Variants in IL1RAPL1 observed in about 807,000 individuals in gnomAD.
IL1RAPL1 encodes the protein interleukin-1 receptor accessory protein-like 1.
Under a neutral mutation model 48.4 loss-of-function variants are expected in IL1RAPL1, and 3 were observed. That is an observed-to-expected ratio of 0.06 (90% CI 0.03 to 0.16). The LOEUF is 0.16. Among genes scored for constraint, IL1RAPL1 ranks in the 10% least tolerant of loss-of-function variants. IL1RAPL1 has a pLI of 1.00. For synonymous variants in IL1RAPL1, 185 were observed against 187.7 expected (o/e 0.99, Z 0.12); for missense variants, 349 against 530.6 (o/e 0.66, Z 3.36).
At chrX:28,699,860 A>G (rs1158834921) in intron 1 of IL1RAPL1, among the ~76,000 whole-genome samples, 1 of 111,730 alleles carries the variant, frequency 9.0e-6, no homozygotes, top group African/African-American at 3.2e-5. Flanking sequence ...GAGAGTCAGA[A>G]CCTTAAAATG....
At chrX:29,585,698 A>G (rs1923133589) in intron 5 of IL1RAPL1, among the ~76,000 whole-genome samples, 1 of 111,592 alleles carries the variant, frequency 9.0e-6, no homozygotes, top group Non-Finnish European at 1.9e-5. Context: ...TTCTTTCTCT[A>G]TATTAACCAT....
intron 5 of IL1RAPL1, among the ~76,000 whole-genome samples, chrX:29,610,208 A>C (rs1158584665): frequency 8.9e-6 from 1 of 111,952 alleles, no homozygotes; most frequent in African/African-American, 3.2e-5. Flanking sequence ...TGTTTAATAT[A>C]TTCAGAGCCT....
chrX:29,080,994 TTCTCTCTCTC>T (rs201299964), intron 2 of IL1RAPL1, among the ~76,000 whole-genome samples: 1 of 26,441 alleles, frequency 3.8e-5, no homozygotes. Context: ...CTTTCTTTCT[TTCTCTCTCTC>T]TCTCTCTCTC....
intron 5 of IL1RAPL1, among the ~76,000 whole-genome samples, chrX:29,457,851 A>G (rs1324455461): frequency 8.9e-6 from 1 of 112,348 alleles, no homozygotes; most frequent in Non-Finnish European, 1.9e-5. Context: ...CAGCCTCACC[A>G]GCATCTGTTA....
intron 3 of IL1RAPL1, among the ~76,000 whole-genome samples, chrX:29,333,575 C>T (rs1159723758): frequency 3.2e-5 from 3 of 94,361 alleles, no homozygotes; most frequent in Admixed American, 2.1e-4. Flanking sequence ...GCTGGCCAGG[C>T]GGGGGGCTGA....
At chrX:29,719,495 CT>C (rs1351084834) in intron 6 of IL1RAPL1, among the ~76,000 whole-genome samples, 1 of 110,727 alleles carries the variant, frequency 9.0e-6, no homozygotes, top group African/African-American at 3.3e-5. Context: ...TGAAAGAGTT[CT>C]ATTGGCCCCG....
intron 6 of IL1RAPL1, among the ~76,000 whole-genome samples, chrX:29,879,401 A>G (rs1180251200): frequency 1.4e-4 from 15 of 104,857 alleles, no homozygotes; most frequent in East Asian, 1.2e-3. Context: ...GTGTGTATAT[A>G]TATATATATA....
At chrX:28,824,011 T>C (rs17282471) in intron 2 of IL1RAPL1, among the ~76,000 whole-genome samples, 6,683 of 111,717 alleles carry the variant, frequency 0.06, 252 homozygotes, top group Non-Finnish European at 0.094. Context: ...TATTTTTCAA[T>C]CTTACTGGTA....
chrX:29,819,687 G>GAA (rs1043719925), intron 6 of IL1RAPL1, among the ~76,000 whole-genome samples: 1 of 108,230 alleles, frequency 9.2e-6, no homozygotes, highest in Non-Finnish European at 1.9e-5. Flanking sequence ...TTTCCGAAAT[G>GAA]AAAAAAAAGC....
chrX:28,995,871 C>T (rs185156906), intron 2 of IL1RAPL1, among the ~76,000 whole-genome samples: 83 of 109,850 alleles, frequency 7.6e-4, no homozygotes, highest in African/African-American at 2.6e-3. Context: ...ATGCAAACTT[C>T]CACACAATAT....
At position 28,785,510 on chromosome X, in the gene IL1RAPL1, T is replaced by C. The variant is rs1050238581; in HGVS notation, c.-24-3810T>C. 2.7e-5 allele frequency among the ~76,000 whole-genome samples: 3 copies of C among 111,967 alleles called. No homozygotes were observed. In the Admixed American group the frequency reaches 2.8e-4, roughly 11 times the overall value. ...CTTGCTTGCTTATTTTACCCAGTATTTTCTGATTCACACTCCCTCTGTGGC... is the reference window on the plus strand; with the variant it reads ...CTTGCTTGCTTATTTTACCCAGTATCTTCTGATTCACACTCCCTCTGTGGC... On this transcript the variant is annotated intron_variant, in intron 1 of 10. Transcript: ENST00000378993.
intron 5 of IL1RAPL1, among the ~76,000 whole-genome samples, chrX:29,516,803 G>A (rs189847987): frequency 9.0e-6 from 1 of 110,634 alleles, no homozygotes; most frequent in Non-Finnish European, 1.9e-5. Flanking sequence ...ATATCTAGCA[G>A]TTGAACAGCT....
At chrX:29,781,836 A>G (rs141618994) in intron 6 of IL1RAPL1, among the ~76,000 whole-genome samples, 2,138 of 111,803 alleles carry the variant, frequency 0.019, 52 homozygotes, top group African/African-American at 0.067. Context: ...AAGATCTAGC[A>G]GTATTGGGTC....
chrX:28,950,901 A>C (rs1201914615), intron 2 of IL1RAPL1, among the ~76,000 whole-genome samples: 1 of 109,091 alleles, frequency 9.2e-6, no homozygotes, highest in Non-Finnish European at 1.9e-5. Flanking sequence ...GAATGGATTA[A>C]GAAAATGTGG....
chrX:29,208,433 C>T (rs1377426119), intron 2 of IL1RAPL1, among the ~76,000 whole-genome samples: 6 of 111,168 alleles, frequency 5.4e-5, no homozygotes, highest in Admixed American at 9.7e-5. Flanking sequence ...AGGTAGGGGC[C>T]GGGCACGGTG....
chrX:29,507,363 C>CT (rs1935343973), intron 5 of IL1RAPL1, among the ~76,000 whole-genome samples: 2 of 3,070 alleles, frequency 6.5e-4, no homozygotes, highest in Non-Finnish European at 1.6e-3. Context: ...CTCCCCTTCT[C>CT]TCCCCTCCCT....
chrX:29,222,071 CACAA>C (rs1213262688), intron 2 of IL1RAPL1, among the ~76,000 whole-genome samples: 1 of 103,377 alleles, frequency 9.7e-6, no homozygotes, highest in Non-Finnish European at 2.0e-5. Flanking sequence ...CAAATATAAG[CACAA>C]ACAAAGGAAT....
chrX:29,764,526 G>A (rs1296943721), intron 6 of IL1RAPL1, among the ~76,000 whole-genome samples: 1 of 111,692 alleles, frequency 9.0e-6, no homozygotes, highest in Non-Finnish European at 1.9e-5. Context: ...CATATCAGGA[G>A]TCCTTTTTAA....
At chrX:28,732,393 T>G (rs56368435) in intron 1 of IL1RAPL1, among the ~76,000 whole-genome samples, 3 of 111,291 alleles carry the variant, frequency 2.7e-5, no homozygotes, top group African/African-American at 9.8e-5. Flanking sequence ...TCTGAAAGAG[T>G]TGGAATTTTG....
Sources: gnomAD v4.1 joint callset for allele counts (sites outside exome capture counted in the v4.1 genomes callset) on GRCh38, gnomAD v4.1.1 for gene constraint, MANE v1.5 for transcripts, NCBI Gene and HGNC (gene_info 2026-07-23, HGNC 2026-07-21) for gene names.